NRG1: variants seen among roughly 807,000 people sequenced by gnomAD.
The protein encoded by NRG1 is neuregulin 1, also known as pro-neuregulin-1, membrane-bound isoform.
In NRG1, 18 loss-of-function variants were observed where a neutral mutation model predicts 63.8. That is an observed-to-expected ratio of 0.28 (90% CI 0.19 to 0.42). The LOEUF (loss-of-function observed/expected upper bound fraction) is 0.42, where lower values mean the gene tolerates loss of function less well. Ranked by LOEUF, NRG1 falls within the 10% of genes least tolerant of loss-of-function variation. The pLI, the probability that NRG1 is intolerant of heterozygous loss-of-function variation, is 1.00. For synonymous variants in NRG1, 302 were observed against 301.3 expected, an observed-to-expected ratio of 1.00 and a Z score of -0.02; for missense variants, 762 against 814.7, an observed-to-expected ratio of 0.94 and a Z score of 0.79.
At chr8:32,319,942 C>G (rs749527235) in intron 1 of NRG1, among the ~76,000 whole-genome samples, 1 of 152,058 alleles carries the variant, frequency 6.6e-6, no homozygotes, top group Non-Finnish European at 1.5e-5. Flanking sequence ...ATGTATGTTT[C>G]AGTGACAAAA....
At chr8:32,757,553 G>T (rs1300020782) in intron 9 of NRG1, among the ~76,000 whole-genome samples, 1 of 152,126 alleles carries the variant, frequency 6.6e-6, no homozygotes, top group Non-Finnish European at 1.5e-5. Context: ...GTGCTTATAG[G>T]TTAACACACT....
intron 3 of NRG1, among the ~76,000 whole-genome samples, chr8:32,608,680 C>G (rs1239025233): frequency 2.7e-5 from 4 of 149,802 alleles, no homozygotes; most frequent in South Asian, 2.1e-4. Context: ...AGCATCTCTG[C>G]GAATTTAAGC....
At chr8:32,368,385 A>G (rs527500271) in intron 1 of NRG1, among the ~76,000 whole-genome samples, 3 of 152,070 alleles carry the variant, frequency 2.0e-5, no homozygotes, top group Non-Finnish European at 4.4e-5. Context: ...CCTGGGCAAG[A>G]TAGCAAGACC....
chr8:32,772,039 A>G (rs1831851005), downstream of NRG1, among the ~76,000 whole-genome samples: 2 of 45,290 alleles, frequency 4.4e-5, no homozygotes, highest in African/African-American at 8.7e-5. Context: ...AAAAAAAAAT[A>G]TGTATATATA....
rs749921124 is a variant in NRG1 at position 31,640,571 on chromosome 8, G to T, written c.37+1140G>T. On this transcript the variant is annotated intron_variant, in intron 1 of 10. Transcript: ENST00000519301. This position sits in a 1 kb window ranked among gnomAD's most constrained non-coding sequence, Gnocchi z 6.3. ...TGGGGCCACCCCGCCTTCCCCTCCT[G>T]CGGGAGGCTCAAGGAGGACAGCAGG... 6.2e-7 allele frequency: 1 copy of T among 1,611,904 alleles called. No homozygotes were observed.
chr8:31,747,630 A>C (rs557833861), intron 1 of NRG1, among the ~76,000 whole-genome samples: 3 of 151,956 alleles, frequency 2.0e-5, no homozygotes, highest in Non-Finnish European at 4.4e-5. Flanking sequence ...CTGTGTGGTC[A>C]CAAGAATATT....
At chr8:32,064,761 T>C (rs1824468972) in intron 1 of NRG1, among the ~76,000 whole-genome samples, 1 of 152,134 alleles carries the variant, frequency 6.6e-6, no homozygotes, top group African/African-American at 2.4e-5. Context: ...CTTTACTACC[T>C]TTGACAGCTC....
intron 1 of NRG1, among the ~76,000 whole-genome samples, chr8:32,229,075 A>G (rs1049143976): frequency 6.6e-6 from 1 of 152,194 alleles, no homozygotes; most frequent in Non-Finnish European, 1.5e-5. Context: ...AGAGTGCATT[A>G]TCTTCAATGG....
At chr8:31,926,076 T>G (rs1436778011) in intron 1 of NRG1, among the ~76,000 whole-genome samples, 1 of 152,192 alleles carries the variant, frequency 6.6e-6, no homozygotes, top group Non-Finnish European at 1.5e-5. Context: ...GAGAGGAATG[T>G]ATTTTCTTCA....
intron 1 of NRG1, among the ~76,000 whole-genome samples, chr8:32,293,300 G>A (rs548343920): frequency 6.6e-6 from 1 of 152,034 alleles, no homozygotes; most frequent in African/African-American, 2.4e-5. Flanking sequence ...AGAGACAGGG[G>A]GTGTTTTGAG....
chr8:32,207,498 T>A (rs1430301583), intron 1 of NRG1, among the ~76,000 whole-genome samples: 2 of 152,160 alleles, frequency 1.3e-5, no homozygotes, highest in African/African-American at 2.4e-5. Flanking sequence ...CTGTTAAGCA[T>A]CTCTGTCTGG....
At chr8:32,282,674 C>A (rs139053086) in intron 1 of NRG1, among the ~76,000 whole-genome samples, 8 of 152,260 alleles carry the variant, frequency 5.3e-5, no homozygotes, top group African/African-American at 1.9e-4. Flanking sequence ...TGTCTCATAA[C>A]CTGGGATTTA....
intron 5 of NRG1, among the ~76,000 whole-genome samples, chr8:32,667,978 C>T (rs986074320): frequency 3.3e-4 from 50 of 152,068 alleles, no homozygotes; most frequent in African/African-American, 1.1e-3. Context: ...TTTGGGAGGC[C>T]GAGGCAAGCG....
intron 1 of NRG1, among the ~76,000 whole-genome samples, chr8:32,482,922 A>C (rs529233781): frequency 6.6e-6 from 1 of 152,296 alleles, no homozygotes; most frequent in South Asian, 2.1e-4. Flanking sequence ...CCAGCTTTAA[A>C]ACTTATTTAT....
intron 1 of NRG1, among the ~76,000 whole-genome samples, chr8:32,065,373 G>C (rs937798779): frequency 1.3e-5 from 2 of 151,904 alleles, no homozygotes; most frequent in African/African-American, 4.8e-5. Context: ...CCCACAACAG[G>C]CCCCAGTGTG....
At chr8:32,635,611 T>G (rs1851196346) in intron 5 of NRG1, among the ~76,000 whole-genome samples, 1 of 152,198 alleles carries the variant, frequency 6.6e-6, no homozygotes, top group Non-Finnish European at 1.5e-5. Context: ...CACAGGTTAT[T>G]GTAAAACCAC....
At chr8:32,220,029 G>A (rs1208185335) in intron 1 of NRG1, among the ~76,000 whole-genome samples, 1 of 152,060 alleles carries the variant, frequency 6.6e-6, no homozygotes, top group African/African-American at 2.4e-5. Flanking sequence ...GGGCAATTCT[G>A]GAAGAAAAAA....
chr8:32,122,112 T>C (rs1459518442), intron 1 of NRG1, among the ~76,000 whole-genome samples: 1 of 152,014 alleles, frequency 6.6e-6, no homozygotes, highest in Non-Finnish European at 1.5e-5. Context: ...TTTTAAGAGT[T>C]CTTCTTAGTA....
chr8:31,879,296 A>T (rs1039994400), intron 1 of NRG1, among the ~76,000 whole-genome samples: 10 of 152,208 alleles, frequency 6.6e-5, no homozygotes, highest in Admixed American at 1.3e-4. Context: ...TGTGAAGTCA[A>T]TTGTACTCAG....
Sources: allele counts gnomAD v4.1 joint callset (sites outside exome capture counted in the v4.1 genomes callset), GRCh38; gene constraint gnomAD v4.1.1; non-coding constraint Gnocchi (gnomAD v3.1); transcripts MANE v1.5; gene names NCBI Gene and HGNC (gene_info 2026-07-23, HGNC 2026-07-21).